The following NKAIN2 variants were observed in gnomAD, a reference collection of about 807,000 sequenced individuals.
The protein encoded by NKAIN2 is sodium/potassium-transporting ATPase subunit beta-1-interacting protein 2.
In NKAIN2, 14 loss-of-function variants were observed where a neutral mutation model predicts 32.6. The ratio of observed to expected loss-of-function variants is 0.43; its 90% CI spans 0.28 to 0.67. The LOEUF is 0.67. Among genes scored for constraint, NKAIN2 ranks in the 30% least tolerant of loss-of-function variants. The probability of loss-of-function intolerance (pLI) is 0.17; values close to 1 mark genes in which losing one functional copy is unlikely to be tolerated. For synonymous variants in NKAIN2, 80 were observed against 87.2 expected, an observed-to-expected ratio of 0.92 and a Z score of 0.46; for missense variants, 198 against 258.3, an observed-to-expected ratio of 0.77 and a Z score of 1.60.
At chr6:124,551,870 T>C (rs946272097) in intron 3 of NKAIN2, among the ~76,000 whole-genome samples, 5 of 152,230 alleles carry the variant, frequency 3.3e-5, no homozygotes, top group African/African-American at 4.8e-5. Flanking sequence ...TTGTGAGACA[T>C]GTTTGGTCAC....
Position 124,540,502 on chromosome 6 carries a change from G to C in NKAIN2, c.274-117684G>C, listed in dbSNP as rs140141230. Among the ~76,000 whole-genome samples the C allele has an allele frequency of 2.1e-3, 313 of 152,284 alleles. 1 individual carries two copies. The highest frequency in any genetic ancestry group is 7.2e-3 in the African/African-American group (300 of 41,564). On this transcript the variant is annotated intron_variant, in intron 3 of 6. Transcript: ENST00000368417. ...ATTTTAAGGAAATATAGTTCACCAG[G>C]ATGGTTGAGAACAAAAGTATTGTGG...
rs1774551172 is a variant in NKAIN2, at chr6:124,697,438, T to TA, written c.474+39052_474+39053insA. ...TTATATTCTAAGATTTTCATCACAA[T>TA]TTGTTTCTTCATATAAAACATCTAT... On this transcript the variant is annotated intron_variant, in intron 4 of 6. Coordinates refer to ENST00000368417, the MANE Select transcript of NKAIN2 (RefSeq NM_001040214.3). 2.0e-5 allele frequency among the ~76,000 whole-genome samples: 3 copies of TA among 152,310 alleles called. No homozygotes were observed. The East Asian group carries it at 5.8e-4, about 30-fold the overall frequency.
intron 1 of NKAIN2, among the ~76,000 whole-genome samples, chr6:124,258,564 A>G (rs1794063982): frequency 6.6e-6 from 1 of 152,242 alleles, no homozygotes. Flanking sequence ...TTGAAGCTAT[A>G]TGGTGCAGAG....
At chr6:124,359,563 GCT>G (rs1377117443) in intron 3 of NKAIN2, among the ~76,000 whole-genome samples, 1 of 151,940 alleles carries the variant, frequency 6.6e-6, no homozygotes, top group Non-Finnish European at 1.5e-5. Flanking sequence ...TCATGATTTG[GCT>G]CTCTGTTTGT....
intron 3 of NKAIN2, among the ~76,000 whole-genome samples, chr6:124,644,659 C>T (rs542771648): frequency 6.6e-6 from 1 of 152,016 alleles, no homozygotes; most frequent in Admixed American, 6.6e-5. Context: ...CTGCCTCGGC[C>T]CCCCCAAAGT....
At chr6:123,850,145 T>G (rs532327338) in intron 1 of NKAIN2, among the ~76,000 whole-genome samples, 1 of 151,652 alleles carries the variant, frequency 6.6e-6, no homozygotes, top group African/African-American at 2.4e-5. Flanking sequence ...GTAGAACATG[T>G]GCACTGATAA....
At chr6:124,034,164 C>T (rs146824287) in intron 1 of NKAIN2, among the ~76,000 whole-genome samples, 28 of 151,946 alleles carry the variant, frequency 1.8e-4, no homozygotes, top group East Asian at 1.7e-3. Flanking sequence ...GGGGTACATG[C>T]GCAGGTTTGT....
intron 1 of NKAIN2, among the ~76,000 whole-genome samples, chr6:124,043,293 C>T (rs1019146637): frequency 2.0e-5 from 3 of 151,966 alleles, no homozygotes; most frequent in African/African-American, 7.2e-5. Flanking sequence ...GAGATCGCAC[C>T]ATTGCACTCC....
intron 2 of NKAIN2, among the ~76,000 whole-genome samples, chr6:124,349,257 C>T (rs1798600032): frequency 6.6e-6 from 1 of 151,990 alleles, no homozygotes. Context: ...GATTGAATCC[C>T]AGGTTACCAC....
chr6:124,771,676 TTC>T (rs1024660932), intron 4 of NKAIN2, among the ~76,000 whole-genome samples: 4 of 152,224 alleles, frequency 2.6e-5, no homozygotes, highest in African/African-American at 9.6e-5. Flanking sequence ...TATGAGTTAT[TTC>T]TCTTTTTCTC....
At chr6:124,658,544 A>G in intron 4 of NKAIN2, 158 bp downstream of exon 4, 1 of 1,462,146 alleles carries the variant, frequency 6.8e-7, no homozygotes, top group Non-Finnish European at 9.1e-7. Context: ...AGGTTAAACT[A>G]AACCATCCTC....
chr6:123,892,812 T>C (rs1774085882), intron 1 of NKAIN2, among the ~76,000 whole-genome samples: 1 of 151,562 alleles, frequency 6.6e-6, no homozygotes, highest in Non-Finnish European at 1.5e-5. Flanking sequence ...GTGAAGGGGC[T>C]CTCCACCCCA....
intron 3 of NKAIN2, among the ~76,000 whole-genome samples, chr6:124,642,913 T>A (rs958949416): frequency 6.6e-6 from 1 of 152,148 alleles, no homozygotes; most frequent in South Asian, 2.1e-4. Flanking sequence ...AAAGCACTGC[T>A]CCTGGTCATA....
chr6:124,739,201 C>T (rs1213155876), intron 4 of NKAIN2, among the ~76,000 whole-genome samples: 1 of 151,784 alleles, frequency 6.6e-6, no homozygotes, highest in African/African-American at 2.4e-5. Flanking sequence ...AATATGGAAC[C>T]AGGATTCTTT....
At chr6:124,221,488 G>A (rs936160794) in intron 1 of NKAIN2, among the ~76,000 whole-genome samples, 54 of 151,794 alleles carry the variant, frequency 3.6e-4, no homozygotes, top group African/African-American at 1.1e-3. Flanking sequence ...GCGCACCAGC[G>A]TGGCACATGT....
chr6:124,397,008 TG>T (rs1773410527), intron 3 of NKAIN2, among the ~76,000 whole-genome samples: 1 of 152,126 alleles, frequency 6.6e-6, no homozygotes, highest in South Asian at 2.1e-4. Context: ...CTTTTTTATC[TG>T]GAAAAGGAAC....
At position 124,747,306 on chromosome 6, in the gene NKAIN2, G is replaced by C. The variant is rs1290808460; in HGVS notation, c.475-44033G>C. Among the ~76,000 whole-genome samples the C allele has an allele frequency of 2.0e-5, 3 of 151,932 alleles. No individual in the cohort carries two copies. In the East Asian group the frequency reaches 5.9e-4, roughly 30 times the overall value. The stretch of plus-strand genomic sequence containing the variant: ...CTTATTCTAATTCCATCAGGTGTGT[G>C]TTGCAGTTTTATTGAGCCATTTTCA... On this transcript the variant is annotated intron_variant, in intron 4 of 6. Transcript: ENST00000368417.
chr6:124,314,696 G>A (rs761979605), intron 2 of NKAIN2, among the ~76,000 whole-genome samples: 9 of 152,158 alleles, frequency 5.9e-5, no homozygotes, highest in Non-Finnish European at 1.0e-4. Flanking sequence ...TTCAGCCTAC[G>A]ATGAGGAAGT....
At chr6:123,887,164 T>C (rs1195598744) in intron 1 of NKAIN2, among the ~76,000 whole-genome samples, 2 of 147,052 alleles carry the variant, frequency 1.4e-5, no homozygotes, top group African/African-American at 4.9e-5. Flanking sequence ...ACATTAACTA[T>C]TTTATGTCCC....
Sources: allele counts gnomAD v4.1 joint callset (sites outside exome capture counted in the v4.1 genomes callset), GRCh38; gene constraint gnomAD v4.1.1; transcripts MANE v1.5; gene names NCBI Gene and HGNC (gene_info 2026-07-23, HGNC 2026-07-21).